The following LRRFIP1 variants were observed in gnomAD, a reference collection of about 807,000 sequenced individuals.
LRRFIP1 encodes the protein LRR binding FLII interacting protein 1, also known as leucine-rich repeat flightless-interacting protein 1.
Under a neutral mutation model 104.4 loss-of-function variants are expected in LRRFIP1, and 62 were observed. That is an observed-to-expected ratio of 0.59 (90% CI 0.48 to 0.73). The LOEUF is 0.73. LRRFIP1 is among the 30% of genes least tolerant of loss of function. LRRFIP1 has a pLI of 0.00. For synonymous variants in LRRFIP1, 300 were observed against 299.0 expected (o/e 1.00, Z -0.03); for missense variants, 796 against 824.5 (o/e 0.97, Z 0.42).
At chr2:237,648,276 C>T (rs2085303452) in intron 1 of LRRFIP1, among the ~76,000 whole-genome samples, 1 of 151,922 alleles carries the variant, frequency 6.6e-6, no homozygotes, top group South Asian at 2.1e-4. Flanking sequence ...GAAATAGCTG[C>T]GATTCAGAGC....
chr2:237,749,578 C>T (rs1156646684), intron 13 of LRRFIP1, among the ~76,000 whole-genome samples: 2 of 152,142 alleles, frequency 1.3e-5, no homozygotes, highest in Non-Finnish European at 2.9e-5. Flanking sequence ...CCCCTCAGCA[C>T]CCGGGGAATA....
At chr2:237,700,770 G>GA (rs2093474728) in intron 1 of LRRFIP1, among the ~76,000 whole-genome samples, 1 of 152,168 alleles carries the variant, frequency 6.6e-6, no homozygotes, top group Non-Finnish European at 1.5e-5. Flanking sequence ...ATCTGCACAT[G>GA]AGCTGTATGC....
intron 8 of LRRFIP1, among the ~76,000 whole-genome samples, chr2:237,732,914 C>T (rs994782187): frequency 3.9e-5 from 6 of 152,162 alleles, no homozygotes; most frequent in African/African-American, 9.7e-5. Context: ...GGTTCAGGTC[C>T]GGCCCTGAGG....
chr2:237,773,007 G>T, intron 22 of LRRFIP1, 62 bp downstream of exon 22: 2 of 1,384,302 alleles, frequency 1.4e-6, no homozygotes, highest in South Asian at 1.2e-5. Flanking sequence ...GCTAGAAATA[G>T]CCCTGAAAGG....
At chr2:237,746,166 C>G (rs1216405876) in intron 11 of LRRFIP1, among the ~76,000 whole-genome samples, 1 of 151,258 alleles carries the variant, frequency 6.6e-6, no homozygotes. Context: ...TCAAGAGATT[C>G]TCCTGCCTCA....
At chr2:237,739,071 T>C (rs2095336899) in intron 10 of LRRFIP1, among the ~76,000 whole-genome samples, 161 bp from the exon 11 acceptor site, 1 of 152,268 alleles carries the variant, frequency 6.6e-6, no homozygotes, top group East Asian at 1.9e-4. Flanking sequence ...GATTTGAATA[T>C]GCGTTTGCTG....
chr2:237,779,290 G>C (rs1253275026), intron 23 of LRRFIP1, 132 bp from the exon 24 acceptor site: 2 of 1,360,722 alleles, frequency 1.5e-6, no homozygotes, highest in African/African-American at 3.0e-5. Context: ...GAGGAGGAAG[G>C]GCATCATGAG....
chr2:237,654,491 T>C (rs1347421784), intron 1 of LRRFIP1, among the ~76,000 whole-genome samples: 1 of 151,852 alleles, frequency 6.6e-6, no homozygotes, highest in Non-Finnish European at 1.5e-5. Context: ...TACTATATGA[T>C]ACAGTGATCC....
chr2:237,734,296 T>TTC (rs2095154545), intron 9 of LRRFIP1, among the ~76,000 whole-genome samples: 2 of 129,162 alleles, frequency 1.5e-5, no homozygotes, highest in African/African-American at 5.3e-5. Context: ...TTTTTTTTTT[T>TTC]TGGAGACAGA....
At chr2:237,727,211 C>G (rs548071548) in intron 7 of LRRFIP1, among the ~76,000 whole-genome samples, 4 of 152,184 alleles carry the variant, frequency 2.6e-5, no homozygotes, top group African/African-American at 9.6e-5. Flanking sequence ...CAAAAATTAG[C>G]CGGGCGTGGT....
chr2:237,775,676 G>A (rs1361868907), intron 23 of LRRFIP1, among the ~76,000 whole-genome samples: 2 of 152,034 alleles, frequency 1.3e-5, no homozygotes, highest in African/African-American at 4.8e-5. Flanking sequence ...TACATAAAGT[G>A]CAAAAAAACT....
chr2:237,649,994 T>A lies in LRRFIP1; in HGVS notation c.96+22254T>A, dbSNP rs1373917167. The stretch of plus-strand genomic sequence containing the variant: ...TTAGCACATTCCCTGTGCTGGGGAC[T>A]TCCCCGGGCACTGGGGACACTGTAG... On this transcript the variant is annotated intron_variant, in intron 1 of 23. Coordinates refer to ENST00000308482, the MANE Select transcript of LRRFIP1 (RefSeq NM_001137550.2). The surrounding 1 kb of genome is among the most constrained non-coding windows in gnomAD (Gnocchi z 4.1). Among the ~76,000 whole-genome samples, 1 of 152,092 alleles carries A rather than the reference T, an allele frequency of 6.6e-6. No individual in the cohort carries two copies. The highest frequency in any genetic ancestry group is 6.5e-5 in the Admixed American group (1 of 15,276).
intron 1 of LRRFIP1, among the ~76,000 whole-genome samples, chr2:237,647,621 G>A (rs945027775): frequency 7.2e-5 from 11 of 151,854 alleles, no homozygotes; most frequent in African/African-American, 2.7e-4. Flanking sequence ...AAGGAGCAGA[G>A]TCCTGCCCTG....
At chr2:237,738,509 A>C (rs2095322088) in intron 10 of LRRFIP1, among the ~76,000 whole-genome samples, 1 of 152,214 alleles carries the variant, frequency 6.6e-6, no homozygotes, top group East Asian at 1.9e-4. Flanking sequence ...AATAGTGTTC[A>C]AATCCTGCCC....
intron 1 of LRRFIP1, among the ~76,000 whole-genome samples, chr2:237,653,089 A>G (rs892692148): frequency 6.6e-6 from 1 of 152,094 alleles, no homozygotes; most frequent in East Asian, 1.9e-4. Flanking sequence ...CATGATTGTA[A>G]GTTTCCTGAG....
At chr2:237,706,962 G>A (rs1002006119) in intron 1 of LRRFIP1, among the ~76,000 whole-genome samples, 1 of 152,112 alleles carries the variant, frequency 6.6e-6, no homozygotes, top group Non-Finnish European at 1.5e-5. Context: ...CATGTAATAT[G>A]GTCTTGGAAA....
At chr2:237,634,228 A>G (rs550969648) in intron 1 of LRRFIP1, among the ~76,000 whole-genome samples, 1 of 152,296 alleles carries the variant, frequency 6.6e-6, no homozygotes, top group South Asian at 2.1e-4. Flanking sequence ...TTTATAAATA[A>G]CATACATATG....
intron 1 of LRRFIP1, among the ~76,000 whole-genome samples, chr2:237,677,765 G>T (rs1019815314): frequency 6.6e-6 from 1 of 152,090 alleles, no homozygotes; most frequent in Non-Finnish European, 1.5e-5. Context: ...TGTGGTACCG[G>T]GAGGCCACCC....
chr2:237,631,721 G>A lies in LRRFIP1; in HGVS notation c.96+3981G>A, dbSNP rs114320504. 4.3e-3 allele frequency among the ~76,000 whole-genome samples: 662 copies of A among 152,352 alleles called. 6 individuals are homozygous for A. The highest frequency in any genetic ancestry group is 0.015 in the African/African-American group (621 of 41,566). ...TCAGCACTCTGCAGCTGAGTAAAGC[G>A]ATACTGGTCTCACCATGCAATTCAA... is the stretch of plus-strand genomic sequence containing the variant. On this transcript the variant is annotated intron_variant, in intron 1 of 23. Coordinates refer to ENST00000308482, the MANE Select transcript of LRRFIP1 (RefSeq NM_001137550.2).
Sources: gnomAD v4.1 joint callset for allele counts (sites outside exome capture counted in the v4.1 genomes callset) on GRCh38, gnomAD v4.1.1 for gene constraint, Gnocchi (gnomAD v3.1) non-coding constraint, MANE v1.5 for transcripts, NCBI Gene and HGNC (gene_info 2026-07-23, HGNC 2026-07-21) for gene names.